The following KCND1 variants were observed in gnomAD, a reference collection of about 807,000 sequenced individuals.
The protein encoded by KCND1 is potassium voltage-gated channel subfamily D member 1, also known as A-type voltage-gated potassium channel KCND1.
In KCND1, 11 loss-of-function variants were observed where a neutral mutation model predicts 31.8. The ratio of observed to expected loss-of-function variants is 0.35; its 90% CI spans 0.22 to 0.57. KCND1 has a LOEUF of 0.57. KCND1 is among the 20% of genes least tolerant of loss of function. KCND1 has a pLI of 0.85. For missense variants in KCND1, 471 were observed against 596.8 expected (o/e 0.79, Z 2.20); for synonymous variants, 234 against 248.1 (o/e 0.94, Z 0.53).
rs1232297568 is a variant in KCND1, at chrX:48,961,787, G to A, written c.*794C>T. On this transcript the variant is annotated 3_prime_UTR_variant, in exon 6 of 6. Coordinates refer to ENST00000218176, the MANE Select transcript of KCND1 (RefSeq NM_004979.6). ...AAACCAGAGGAGAAGAGAGGAGGAG[G>A]AGGAGTTAGAGGTGGCCCCTCTGAT... The A allele has an allele frequency of 8.8e-6, 1 of 113,175 alleles. No individual in the cohort carries two copies. The highest frequency in any genetic ancestry group is 3.2e-5 in the African/African-American group (1 of 31,064). 9.3% of individuals were successfully genotyped at this position (113,175 alleles called of 1,213,427 possible).
intron 5 of KCND1, among the ~76,000 whole-genome samples, chrX:48,963,344 A>G (rs782369529): frequency 1.0e-5 from 1 of 100,102 alleles, no homozygotes; most frequent in African/African-American, 3.7e-5. Context: ...CTACTCAGGA[A>G]GCTGAGGCAG....
In KCND1 at chrX:48,966,457, T is replaced by C. The variant is rs782147809; in HGVS notation, c.1467+121A>G. ...CAAGGCTTGGCTCTCCTGTAGCCTCTTCCAGGAAGCTCTGTGTGATTTCCA... is the reference window on the plus strand; with the variant it reads ...CAAGGCTTGGCTCTCCTGTAGCCTCCTCCAGGAAGCTCTGTGTGATTTCCA... On this transcript the variant is annotated intron_variant, in intron 4 of 5. Coordinates refer to ENST00000218176, the MANE Select transcript of KCND1 (RefSeq NM_004979.6). The C allele has an allele frequency of 1.1e-4, 109 of 1,003,134 alleles. No individual in the cohort carries two copies. The African/African-American group carries it at 1.8e-3, about 16-fold the overall frequency. 82.7% of individuals were successfully genotyped at this position (1,003,134 alleles called of 1,213,427 possible).
chrX:48,969,929 C>G lies in KCND1; in HGVS notation c.343G>C (p.Asp115His). ...AGGCCGTAGAAAGCCAGCTCTTCGT[C>G]GAAGGCCTGGATGCACTCCTGCCGT... ...CPRQECIQAF[D>H]EELAFYGLVP... The change falls in exon 1 of 6, where the codon GAC (aspartate) becomes CAC (histidine). Residue 115 changes from aspartate to histidine, a missense_variant. Physicochemically the swap from Asp to His is moderately conservative, Grantham distance 81. Transcript: ENST00000218176. 1 of 1,211,025 alleles carries G rather than the reference C, an allele frequency of 8.3e-7. No individual in the cohort carries two copies. The highest frequency in any genetic ancestry group is 1.1e-6 in the Non-Finnish European group (1 of 895,094).
At position 48,969,770 on chromosome X, in the gene KCND1, G is replaced by T; in HGVS notation, c.502C>A (p.Leu168Met). The T allele has an allele frequency of 1.7e-6, 2 of 1,209,378 alleles. No homozygotes were observed. The highest frequency in any genetic ancestry group is 2.2e-6 in the Non-Finnish European group (2 of 894,555). The change falls in exon 1 of 6, where the codon CTG becomes ATG. Residue 168 changes from leucine to methionine, a missense_variant. Transcript: ENST00000218176. ...DGPALPAGSS[L>M]RQRLWRAFEN... ...AAGGCCCGCCAGAGCCGCTGCCGCA[G>T]GGAGCTGCCTGCTGGCAGGGCTGGG...
chrX:48,966,709 C>G, intron 3 of KCND1, 33 bp from the exon 4 acceptor site: 3 of 1,200,469 alleles, frequency 2.5e-6, no homozygotes, highest in Non-Finnish European at 3.4e-6. Flanking sequence ...ATAAGGGCAG[C>G]ACCTTCCTCC....
chrX:48,962,646 G>C lies in KCND1; in HGVS notation c.1879C>G (p.Leu627Val). 2.5e-6 allele frequency: 3 copies of C among 1,210,179 alleles called. No homozygotes were observed. In the African/African-American group the frequency reaches 5.2e-5, roughly 21 times the overall value. Reference sequence around the variant, plus strand: ...GGGGTACCCAGGCTGGAGTTCCTGAGGGTGCTGCCGGCCCTGCCACCGCCG... The same window carrying C: ...GGGGTACCCAGGCTGGAGTTCCTGACGGTGCTGCCGGCCCTGCCACCGCCG... ...PGGGGRAGST[L>V]RNSSLGTPCL... is the part of the protein sequence containing the mutation. The change falls in exon 6 of 6, where the codon CTC (leucine) becomes GTC (valine). Residue 627 changes from leucine to valine, a missense_variant. Leu to Val is a conservative substitution (Grantham distance 32). Coordinates refer to ENST00000218176, the MANE Select transcript of KCND1 (RefSeq NM_004979.6).
intron 5 of KCND1, among the ~76,000 whole-genome samples, chrX:48,965,359 G>A (rs2064347430): frequency 8.9e-6 from 1 of 111,769 alleles, no homozygotes; most frequent in Admixed American, 9.5e-5. Context: ...CCTGCTCTAT[G>A]CTTTCTAGCC....
Position 48,969,856 on chromosome X carries a change from C to T in KCND1, c.416G>A (p.Arg139Gln), listed in dbSNP as rs782341099. The change falls in exon 1 of 6, where the codon CGA becomes CAA. Residue 139 changes from arginine (R) to glutamine (Q), a missense_variant. Physicochemically the swap from Arg to Gln is conservative, Grantham distance 43 (BLOSUM62 1). Coordinates refer to ENST00000218176, the MANE Select transcript of KCND1 (RefSeq NM_004979.6). Reference sequence around the variant, plus strand: ...CAGGCGCTCGGCATTCTCCTTCTTTCGGTCCCGATACTCTTCAAGGCAGCA... The same window carrying T: ...CAGGCGCTCGGCATTCTCCTTCTTTTGGTCCCGATACTCTTCAAGGCAGCA... Reference protein sequence around the residue: ...GDCCLEEYRDRKKENAERLAE... With the variant: ...GDCCLEEYRDQKKENAERLAE... The T allele has an allele frequency of 1.3e-5, 16 of 1,211,031 alleles. No homozygotes were observed. Among genetic ancestry groups the T allele is most frequent in the Admixed American group, 4.3e-5 (2 of 46,050 alleles).
At chrX:48,963,633 A>G (rs1026858026) in intron 5 of KCND1, among the ~76,000 whole-genome samples, 1 of 110,410 alleles carries the variant, frequency 9.1e-6, no homozygotes, top group Admixed American at 9.7e-5. Flanking sequence ...AACCACTCCA[A>G]ACCTCTCTCT....
At chrX:48,965,474 C>T (rs1480954326) in intron 5 of KCND1, among the ~76,000 whole-genome samples, 1 of 112,049 alleles carries the variant, frequency 8.9e-6, no homozygotes, top group Admixed American at 9.5e-5. Context: ...ATAGAAGTTC[C>T]AGAGGACTGG....
rs1455342057 is a variant in KCND1 at position 48,970,899 on chromosome X, G to A, written c.-628C>T. 1 of 110,706 alleles carries A rather than the reference G, an allele frequency of 9.0e-6. No homozygotes were observed. The highest frequency in any genetic ancestry group is 9.6e-5 in the Admixed American group (1 of 10,393). 9.1% of individuals were successfully genotyped at this position (110,706 alleles called of 1,213,427 possible). A position where few individuals can be genotyped will look rare whatever the true frequency, so the allele number is the denominator to read the frequency against. On this transcript the variant is annotated 5_prime_UTR_variant, in exon 1 of 6. An upstream open reading frame in the 5' UTR gains an earlier in-frame stop. Transcript: ENST00000218176. Reference sequence around the variant, plus strand: ...AGGGTTAGACCCCCCTCATGGATCTGGAAAGGGAGCTGGTGCATCTTGAGG... The same window carrying A: ...AGGGTTAGACCCCCCTCATGGATCTAGAAAGGGAGCTGGTGCATCTTGAGG...
rs1217921126 is a variant in KCND1 at position 48,966,767 on chromosome X, G to A, written c.1362C>T (p.Gly454=). 3.3e-6 allele frequency: 4 copies of A among 1,204,073 alleles called. No individual in the cohort carries two copies. In the African/African-American group the frequency reaches 5.4e-5, roughly 16 times the overall value. The change falls in exon 3 of 6, where the codon GGC becomes GGT. Residue 454 remains glycine, a synonymous_variant. Transcript: ENST00000218176. The part of the protein sequence containing the change: ...NAFLQYKQNG[G]LEDSGSGEEQ... Reference sequence around the variant, plus strand: ...TATCCAGGCCCCGACCCACCTCAAGGCCCCCATTCTGCTTGTACTGCAGGA... The same window carrying A: ...TATCCAGGCCCCGACCCACCTCAAGACCCCCATTCTGCTTGTACTGCAGGA...
At chrX:48,963,792 C>T (rs782758059) in intron 5 of KCND1, among the ~76,000 whole-genome samples, 9 of 112,144 alleles carry the variant, frequency 8.0e-5, no homozygotes, top group Non-Finnish European at 1.7e-4. Context: ...CTCATGGTTA[C>T]TCCTAACAGT....
chrX:48,968,732 T>C (rs1161607407), intron 1 of KCND1, among the ~76,000 whole-genome samples: 10 of 111,813 alleles, frequency 8.9e-5, no homozygotes, highest in Admixed American at 6.6e-4. Context: ...GCTCCCTCAG[T>C]TTGTACAGAT....
Position 48,962,656 on chromosome X carries a change from G to T in KCND1, c.1869C>A (p.Ala623=), listed in dbSNP as rs201928839. Residue 623 remains alanine, a synonymous_variant, in exon 6 of 6, where the codon GCC becomes GCA. Transcript: ENST00000218176. ...GGCTGGAGTTCCTGAGGGTGCTGCC[G>T]GCCCTGCCACCGCCGCCAGGGGAGG... ...QPSSPGGGGR[A]GSTLRNSSLG... The T allele has an allele frequency of 8.3e-7, 1 of 1,210,191 alleles. No individual in the cohort carries two copies. Among genetic ancestry groups the T allele is most frequent in the South Asian group, 1.8e-5 (1 of 56,747 alleles).
rs1449346458 is a variant in KCND1 at position 48,969,404 on chromosome X, C to T, written c.868G>A (p.Ala290Thr). 2 of 1,210,542 alleles carry T rather than the reference C, an allele frequency of 1.7e-6. No individual in the cohort carries two copies. The highest frequency in any genetic ancestry group is 2.2e-6 in the Non-Finnish European group (2 of 894,803). Residue 290 changes from alanine (A) to threonine (T), a missense_variant, in exon 1 of 6, where the codon GCC becomes ACC. Physicochemically the swap from Ala to Thr is moderately conservative, Grantham distance 58 (BLOSUM62 0). Around this residue, in one of 3 missense-constraint regions of KCND1, gnomAD observed 74 missense variants for 154.2 expected, o/e 0.48. Transcript: ENST00000218176. ...CGGAACACACGCAGGGTGACAAAGG[C>T]GCCAGAGACATCGTCGTTCTTGGGC... ...LVPKNDDVSG[A>T]FVTLRVFRVF...
At chrX:48,964,569 T>G (rs1004071350) in intron 5 of KCND1, among the ~76,000 whole-genome samples, 1 of 108,388 alleles carries the variant, frequency 9.2e-6, no homozygotes, top group Non-Finnish European at 1.9e-5. Flanking sequence ...TATAAAAAAC[T>G]AGCTGGGTAT....
chrX:48,966,238 G>C lies in KCND1; in HGVS notation c.1535C>G (p.Thr512Ser). Residue 512 changes from threonine to serine, a missense_variant, in exon 5 of 6, where the codon ACC becomes AGC. Coordinates refer to ENST00000218176, the MANE Select transcript of KCND1 (RefSeq NM_004979.6). ...GGAAGACACAGAGGTGCTACGGCTG[G>C]TGCGGCCACCCGGCGAGACGGCTCC... ...ALGAVSPGGR[T>S]SRSTSVSSQP... 1 of 1,202,606 alleles carries C rather than the reference G, an allele frequency of 8.3e-7. No homozygotes were observed. Among genetic ancestry groups the C allele is most frequent in the Non-Finnish European group, 1.1e-6 (1 of 891,768 alleles).
Position 48,968,882 on chromosome X carries a change from C to T in KCND1, c.1121+269G>A, listed in dbSNP as rs782652196. Among the ~76,000 whole-genome samples the T allele has an allele frequency of 5.8e-3, 639 of 110,065 alleles. 7 individuals carry two copies. The highest frequency in any genetic ancestry group is 0.02 in the African/African-American group (613 of 30,226). On this transcript the variant is annotated intron_variant, in intron 1 of 5. Coordinates refer to ENST00000218176, the MANE Select transcript of KCND1 (RefSeq NM_004979.6). ...CAGCCTGGCCAACGCGGTGAAACCC[C>T]GTCTCTACTAAAAATACAAAAATTA...
Sources: gnomAD v4.1 joint callset for allele counts (sites outside exome capture counted in the v4.1 genomes callset) on GRCh38, gnomAD v4.1.1 for gene constraint, gnomAD v4.1.1 regional missense constraint, MANE v1.5 for transcripts, NCBI Gene and HGNC (gene_info 2026-07-23, HGNC 2026-07-21) for gene names.